Variants in PRKCA observed in about 807,000 individuals in gnomAD.
PRKCA encodes protein kinase C alpha type.
Under a neutral mutation model 87.0 loss-of-function variants are expected in PRKCA, and 27 were observed. The observed-to-expected ratio is 0.31, with a 90% CI of 0.23 to 0.43. The LOEUF (loss-of-function observed/expected upper bound fraction) is 0.43. Ranked by LOEUF, PRKCA falls within the 20% of genes least tolerant of loss-of-function variation. The pLI is 1.00. For synonymous variants in PRKCA, 329 were observed against 311.1 expected (o/e 1.06, Z -0.61); for missense variants, 518 against 852.3 (o/e 0.61, Z 4.88).
At chr17:66,509,513 A>C (rs1164405392) in intron 3 of PRKCA, among the ~76,000 whole-genome samples, 1 of 152,194 alleles carries the variant, frequency 6.6e-6, no homozygotes, top group Non-Finnish European at 1.5e-5. Flanking sequence ...TCTTACTTGG[A>C]GGGAGAGGCA....
chr17:66,409,942 A>G (rs957033621), intron 2 of PRKCA, among the ~76,000 whole-genome samples: 6 of 152,164 alleles, frequency 3.9e-5, no homozygotes, highest in African/African-American at 1.4e-4. Flanking sequence ...TAAATAAAAG[A>G]GAAGAAATCA....
At chr17:66,656,169 A>T (rs776030625) in intron 5 of PRKCA, among the ~76,000 whole-genome samples, 1 of 152,094 alleles carries the variant, frequency 6.6e-6, no homozygotes, top group Non-Finnish European at 1.5e-5. Context: ...TTCATGCAGC[A>T]TTTGTCTTTG....
chr17:66,719,727 G>A (rs529820130), intron 8 of PRKCA, among the ~76,000 whole-genome samples: 5 of 152,314 alleles, frequency 3.3e-5, no homozygotes, highest in South Asian at 4.1e-4. Context: ...AGATCACACC[G>A]CTGCACTCCT....
intron 2 of PRKCA, among the ~76,000 whole-genome samples, chr17:66,317,067 G>C (rs984917597): frequency 2.6e-5 from 4 of 151,832 alleles, no homozygotes; most frequent in African/African-American, 9.7e-5. Flanking sequence ...GCGTGAACCC[G>C]GAAAGCGGAG....
chr17:66,582,450 G>T (rs1050081404), intron 3 of PRKCA, among the ~76,000 whole-genome samples: 1 of 152,168 alleles, frequency 6.6e-6, no homozygotes, highest in African/African-American at 2.4e-5. Context: ...TTCCCCCCAT[G>T]CTGTTCTCAT....
intron 3 of PRKCA, among the ~76,000 whole-genome samples, chr17:66,621,356 T>A (rs1359179000): frequency 6.6e-6 from 1 of 152,346 alleles, no homozygotes; most frequent in East Asian, 1.9e-4. Flanking sequence ...CATTGAAGCA[T>A]TTAAAAATGT....
intron 2 of PRKCA, among the ~76,000 whole-genome samples, chr17:66,493,009 A>G (rs1260997594): frequency 6.6e-6 from 1 of 151,146 alleles, no homozygotes; most frequent in South Asian, 2.1e-4. Flanking sequence ...GCTTGCTTTA[A>G]GAGCTCTCCA....
At chr17:66,388,303 T>C (rs117685366) in intron 2 of PRKCA, among the ~76,000 whole-genome samples, 4,148 of 152,228 alleles carry the variant, frequency 0.027, 92 homozygotes, top group Middle Eastern at 0.058. Flanking sequence ...CCTCTTTTTT[T>C]TTTTCTTTGG....
rs1491432626 is a variant in PRKCA, at chr17:66,377,701, T to TATA, written c.205+71574_205+71575insATA. On this transcript the variant is annotated intron_variant, in intron 2 of 16. Transcript: ENST00000413366. ...ATTATATATATATAAAGTCTATGTT[T>TATA]TATATATATATATATATATATTTTT... Among the ~76,000 whole-genome samples, 503 of 77,710 alleles carry TATA rather than the reference T, an allele frequency of 6.5e-3. 16 individuals carry two copies. Among genetic ancestry groups the TATA allele is most frequent in the Middle Eastern group, 0.011 (1 of 94 alleles). The allele number at this position is 77,710 out of a possible 152,430, so 51.0% of individuals were successfully genotyped here. A position where few individuals can be genotyped will look rare whatever the true frequency, so the allele number is the denominator to read the frequency against.
At chr17:66,504,628 G>C (rs567455351) in intron 3 of PRKCA, among the ~76,000 whole-genome samples, 1 of 152,226 alleles carries the variant, frequency 6.6e-6, no homozygotes, top group Non-Finnish European at 1.5e-5. Flanking sequence ...CACAGGGTAG[G>C]TGCCATAAGT....
chr17:66,650,464 C>T (rs1971564419), intron 5 of PRKCA, among the ~76,000 whole-genome samples: 1 of 151,918 alleles, frequency 6.6e-6, no homozygotes, highest in Admixed American at 6.6e-5. Context: ...CTCATGGGAA[C>T]CAATTTTCAA....
chr17:66,529,533 G>A (rs1419301665), intron 3 of PRKCA, among the ~76,000 whole-genome samples: 1 of 152,132 alleles, frequency 6.6e-6, no homozygotes, highest in East Asian at 1.9e-4. Flanking sequence ...GACATTACCC[G>A]ATGAGCTCTT....
At chr17:66,388,160 C>T (rs1910167678) in intron 2 of PRKCA, among the ~76,000 whole-genome samples, 1 of 147,236 alleles carries the variant, frequency 6.8e-6, no homozygotes, top group South Asian at 2.2e-4. Flanking sequence ...CGTGTCATGA[C>T]ATAACAAGGA....
intron 16 of PRKCA, among the ~76,000 whole-genome samples, chr17:66,800,665 T>C (rs949487327): frequency 6.6e-6 from 1 of 152,216 alleles, no homozygotes; most frequent in African/African-American, 2.4e-5. Context: ...GATTCATGAA[T>C]GCCATAAAGA....
At chr17:66,711,967 CTG>C (rs778899767) in intron 8 of PRKCA, among the ~76,000 whole-genome samples, 2 of 152,236 alleles carry the variant, frequency 1.3e-5, no homozygotes, top group East Asian at 1.9e-4. Context: ...GTGGTAAATA[CTG>C]TGTGTGAAAA....
chr17:66,442,927 C>G (rs1399229201), intron 2 of PRKCA, among the ~76,000 whole-genome samples: 3 of 152,172 alleles, frequency 2.0e-5, no homozygotes, highest in Admixed American at 6.5e-5. Flanking sequence ...CTGTTCTCAC[C>G]TTTTGGGAAC....
intron 2 of PRKCA, among the ~76,000 whole-genome samples, chr17:66,477,940 C>T (rs1288859811): frequency 6.6e-6 from 1 of 152,174 alleles, no homozygotes; most frequent in Non-Finnish European, 1.5e-5. Context: ...TTTGACCTAG[C>T]TTTACCAACT....
chr17:66,367,416 G>A (rs935576388), intron 2 of PRKCA, among the ~76,000 whole-genome samples: 2 of 152,198 alleles, frequency 1.3e-5, no homozygotes, highest in African/African-American at 4.8e-5. Context: ...AAATAGAAGT[G>A]ACAGAGGTGA....
chr17:66,802,379 G>A (rs7216764), intron 16 of PRKCA, among the ~76,000 whole-genome samples: 14,071 of 152,098 alleles, frequency 0.093, 1,029 homozygotes, highest in African/African-American at 0.19. Context: ...TAGCTTCGTC[G>A]CTGGGCGTGG....
Sources: allele counts gnomAD v4.1 joint callset (sites outside exome capture counted in the v4.1 genomes callset), GRCh38; gene constraint gnomAD v4.1.1; transcripts MANE v1.5; gene names NCBI Gene and HGNC (gene_info 2026-07-23, HGNC 2026-07-21).